The following STRADB variants were observed in gnomAD, a reference collection of about 807,000 sequenced individuals.
STRADB encodes STE20 related adaptor beta, also known as STE20-related kinase adapter protein beta.
In STRADB, 34 loss-of-function variants were observed where a neutral mutation model predicts 52.1. The observed-to-expected ratio is 0.65, with a 90% CI of 0.50 to 0.87. STRADB has a LOEUF of 0.87. Among genes scored for constraint, STRADB ranks in the 40% least tolerant of loss-of-function variants. The pLI is 0.00. For missense variants in STRADB, 340 were observed against 483.9 expected, an observed-to-expected ratio of 0.70 and a Z score of 2.79; for synonymous variants, 133 against 174.5, an observed-to-expected ratio of 0.76 and a Z score of 1.87.
chr2:201,456,080 A>AAGGCCAGATAGTATTTACAG (rs1952122823), intron 2 of STRADB, among the ~76,000 whole-genome samples: 1 of 152,228 alleles, frequency 6.6e-6, no homozygotes, highest in African/African-American at 2.4e-5. Flanking sequence ...CTTTTCTGTA[A>AAGGCCAGATAGTATTTACAG]AGGCCAGATA....
intron 7 of STRADB, among the ~76,000 whole-genome samples, chr2:201,477,344 G>A (rs1233468645): frequency 6.6e-6 from 1 of 152,092 alleles, no homozygotes; most frequent in Non-Finnish European, 1.5e-5. Flanking sequence ...GATTACAGGC[G>A]TGAGCCACCG....
In STRADB at chr2:201,478,509, T is replaced by C. The variant is rs767394583; in HGVS notation, c.978T>C (p.Asn326=). 3 of 1,613,966 alleles carry C rather than the reference T, an allele frequency of 1.9e-6. No homozygotes were observed. The Admixed American group carries it at 5.0e-5, about 27-fold the overall frequency. Reference sequence around the variant, plus strand: ...TCTCCAGTGGAACTCACACAGTAAATAGTGACCGATTACACACACCATCCT... The same window carrying C: ...TCTCCAGTGGAACTCACACAGTAAACAGTGACCGATTACACACACCATCCT... ...VLVSSGTHTV[N]SDRLHTPSSK... The change falls in exon 10 of 12, where the codon AAT becomes AAC. Residue 326 remains asparagine, a synonymous_variant. Coordinates refer to ENST00000194530, the MANE Select transcript of STRADB (RefSeq NM_018571.6).
chr2:201,468,506 G>A (rs769475038), intron 3 of STRADB, among the ~76,000 whole-genome samples: 27 of 152,208 alleles, frequency 1.8e-4, no homozygotes, highest in Admixed American at 1.2e-3. Flanking sequence ...TGCAAACTTC[G>A]TATCCTAAGT....
chr2:201,459,518 T>C (rs1952179890), intron 3 of STRADB, among the ~76,000 whole-genome samples: 2 of 152,236 alleles, frequency 1.3e-5, no homozygotes, highest in Admixed American at 6.5e-5. Context: ...CCTCTACCTC[T>C]GTCCCCATAT....
chr2:201,456,015 T>C (rs1277469318), intron 2 of STRADB, among the ~76,000 whole-genome samples: 2 of 152,210 alleles, frequency 1.3e-5, no homozygotes, highest in Non-Finnish European at 2.9e-5. Flanking sequence ...GCTTTATATA[T>C]CTGGAAAATA....
At chr2:201,461,417 C>T (rs1952214532) in intron 3 of STRADB, among the ~76,000 whole-genome samples, 1 of 152,168 alleles carries the variant, frequency 6.6e-6, no homozygotes, top group African/African-American at 2.4e-5. Context: ...AAGTGATCCT[C>T]CCACCTCAGC....
At position 201,480,749 on chromosome 2, in the gene STRADB, T is replaced by C. The variant is rs542067334; in HGVS notation, c.*574T>C. On this transcript the variant is annotated 3_prime_UTR_variant, in exon 12 of 12. Transcript: ENST00000194530. Reference sequence around the variant, plus strand: ...ACAGAAATTGTAATTTGCTTTTTTTTAAACAAGGGGGCTAAAGTAACACTT... The same window carrying C: ...ACAGAAATTGTAATTTGCTTTTTTTCAAACAAGGGGGCTAAAGTAACACTT... The C allele has an allele frequency of 2.5e-4, 243 of 985,210 alleles. No individual in the cohort carries two copies. The highest frequency in any genetic ancestry group is 2.4e-3 in the Admixed American group (39 of 16,290). The allele number at this position is 985,210 out of a possible 1,614,324, so 61.0% of individuals were successfully genotyped here.
chr2:201,465,536 C>A (rs952637988), intron 3 of STRADB, among the ~76,000 whole-genome samples: 2 of 152,198 alleles, frequency 1.3e-5, no homozygotes, highest in Admixed American at 1.3e-4. Context: ...GAAGGAATCT[C>A]CTGGAGCTAC....
Position 201,455,752 on chromosome 2 carries a change from A to G in STRADB, c.12+900A>G, listed in dbSNP as rs547428502. ...TTTGTATGATGATTTATAGTTTACAAATACTTTCATATATTTCTTTCATAG... is the reference window on the plus strand; with the variant it reads ...TTTGTATGATGATTTATAGTTTACAGATACTTTCATATATTTCTTTCATAG... On this transcript the variant is annotated intron_variant, in intron 2 of 11. Transcript: ENST00000194530. Among the ~76,000 whole-genome samples the G allele has an allele frequency of 3.9e-4, 59 of 152,278 alleles. No individual in the cohort carries two copies. In the South Asian group the frequency reaches 0.012, roughly 31 times the overall value.
intron 3 of STRADB, among the ~76,000 whole-genome samples, chr2:201,465,976 C>T (rs1041196968): frequency 1.3e-5 from 2 of 152,226 alleles, no homozygotes; most frequent in African/African-American, 4.8e-5. Flanking sequence ...TCAAGACTGT[C>T]TTTCCTACCC....
intron 3 of STRADB, among the ~76,000 whole-genome samples, chr2:201,462,526 GTTT>G (rs1200455754): frequency 6.6e-6 from 1 of 151,758 alleles, no homozygotes; most frequent in African/African-American, 2.4e-5. Context: ...TTAGTTTCTT[GTTT>G]TTTATTTTGT....
chr2:201,470,804 T>C (rs1952377864), intron 4 of STRADB, among the ~76,000 whole-genome samples: 1 of 152,176 alleles, frequency 6.6e-6, no homozygotes, highest in South Asian at 2.1e-4. Flanking sequence ...TGCTAGATAT[T>C]CTAGTCATAG....
chr2:201,463,615 G>A (rs1952251876), intron 3 of STRADB, among the ~76,000 whole-genome samples: 1 of 152,028 alleles, frequency 6.6e-6, no homozygotes, highest in South Asian at 2.1e-4. Flanking sequence ...TTGGATACTT[G>A]GATATTGATA....
intron 3 of STRADB, among the ~76,000 whole-genome samples, chr2:201,467,115 A>G (rs1559465272): frequency 6.6e-6 from 1 of 152,192 alleles, no homozygotes; most frequent in Non-Finnish European, 1.5e-5. Flanking sequence ...CAAGCTCATT[A>G]CAAACCCAGT....
intron 3 of STRADB, among the ~76,000 whole-genome samples, chr2:201,463,092 C>G (rs1278645251): frequency 6.6e-6 from 1 of 152,202 alleles, no homozygotes; most frequent in Non-Finnish European, 1.5e-5. Context: ...AATCCCAGCA[C>G]TTTGGGAGGC....
chr2:201,465,746 G>A (rs751256564), intron 3 of STRADB, among the ~76,000 whole-genome samples: 2 of 152,228 alleles, frequency 1.3e-5, no homozygotes, highest in Non-Finnish European at 2.9e-5. Flanking sequence ...GCCTCAGCCT[G>A]TGGTGGCAGA....
At chr2:201,474,807 A>G in intron 6 of STRADB, 52 bp downstream of exon 6, 2 of 1,341,500 alleles carry the variant, frequency 1.5e-6, no homozygotes, top group South Asian at 1.3e-5. Context: ...TTATAATTAT[A>G]TAGATGAGTT....
intron 7 of STRADB, among the ~76,000 whole-genome samples, chr2:201,476,106 T>C (rs560813584): frequency 1.2e-4 from 19 of 152,314 alleles, no homozygotes; most frequent in Non-Finnish European, 2.6e-4. Context: ...AGAGCTTCAT[T>C]ATCTGCTTTC....
intron 2 of STRADB, 62 bp downstream of exon 2, chr2:201,454,914 AG>A: frequency 6.7e-7 from 1 of 1,497,922 alleles, no homozygotes; most frequent in Non-Finnish European, 9.2e-7. Flanking sequence ...GTTAATGCCA[AG>A]CCATAATAAA....
Sources: allele counts gnomAD v4.1 joint callset (sites outside exome capture counted in the v4.1 genomes callset), GRCh38; gene constraint gnomAD v4.1.1; transcripts MANE v1.5; gene names NCBI Gene and HGNC (gene_info 2026-07-23, HGNC 2026-07-21).